The following MYT1L variants were observed in gnomAD, a reference collection of about 807,000 sequenced individuals.
The protein encoded by MYT1L is myelin transcription factor 1-like protein.
In MYT1L, 12 loss-of-function variants were observed where a neutral mutation model predicts 126.7. The ratio of observed to expected loss-of-function variants is 0.09; its 90% CI spans 0.06 to 0.15. The LOEUF is 0.15. MYT1L is among the 10% of genes least tolerant of loss of function. The probability of loss-of-function intolerance (pLI) is 1.00; values close to 1 mark genes in which losing one functional copy is unlikely to be tolerated. For synonymous variants in MYT1L, 541 were observed against 604.2 expected (o/e 0.90, Z 1.53); for missense variants, 979 against 1,585.2 (o/e 0.62, Z 6.49).
intron 2 of MYT1L, among the ~76,000 whole-genome samples, chr2:2,259,396 A>G (rs2094901093): frequency 8.3e-6 from 1 of 121,170 alleles, no homozygotes; most frequent in African/African-American, 4.0e-5. Context: ...GAGTATAATA[A>G]AAAAAAAAAC....
intron 3 of MYT1L, among the ~76,000 whole-genome samples, chr2:2,056,687 G>A (rs1325234722): frequency 6.6e-6 from 1 of 152,204 alleles, no homozygotes; most frequent in Non-Finnish European, 1.5e-5. Context: ...CACAGATGCT[G>A]CTTGTGATCA....
chr2:2,191,012 C>T (rs145019012), intron 2 of MYT1L, among the ~76,000 whole-genome samples: 6,113 of 152,278 alleles, frequency 0.04, 426 homozygotes, highest in African/African-American at 0.14. Context: ...CTCAAACTCC[C>T]AACCTCAGGT....
chr2:1,819,664 A>G (rs2038223516), intron 21 of MYT1L, among the ~76,000 whole-genome samples: 1 of 152,200 alleles, frequency 6.6e-6, no homozygotes, highest in Non-Finnish European at 1.5e-5. Context: ...AGGGATGCAC[A>G]TGGTCCGATG....
intron 4 of MYT1L, among the ~76,000 whole-genome samples, chr2:2,011,137 C>T (rs1306466190): frequency 6.6e-6 from 1 of 152,144 alleles, no homozygotes; most frequent in Admixed American, 6.5e-5. Context: ...GCCTGTCATC[C>T]CAGCACTTTG....
chr2:1,835,219 A>G (rs539182624), intron 21 of MYT1L, among the ~76,000 whole-genome samples: 1 of 152,368 alleles, frequency 6.6e-6, no homozygotes, highest in East Asian at 1.9e-4. Context: ...TAAGTCAAAA[A>G]TTCATTTAAT....
chr2:2,323,223 TA>T (rs1427698485), intron 1 of MYT1L, among the ~76,000 whole-genome samples: 1 of 152,140 alleles, frequency 6.6e-6, no homozygotes, highest in Non-Finnish European at 1.5e-5. Context: ...TATATTTTTT[TA>T]AACAGAAAAT....
At chr2:1,947,539 G>A (rs2057349578) in intron 8 of MYT1L, among the ~76,000 whole-genome samples, 1 of 152,180 alleles carries the variant, frequency 6.6e-6, no homozygotes, top group Admixed American at 6.5e-5. Flanking sequence ...CGAGGCGTGG[G>A]AGGCGGGCTG....
intron 4 of MYT1L, among the ~76,000 whole-genome samples, chr2:2,032,509 G>T (rs2066442142): frequency 1.4e-5 from 2 of 141,370 alleles, no homozygotes; most frequent in Non-Finnish European, 3.1e-5. Flanking sequence ...TCATCCTGTG[G>T]CCCAGAGAAG....
At chr2:2,272,665 C>T (rs111482434) in intron 2 of MYT1L, among the ~76,000 whole-genome samples, 31 of 152,174 alleles carry the variant, frequency 2.0e-4, no homozygotes, top group African/African-American at 7.0e-4. Context: ...TATTCAACTA[C>T]GAATTTCTCC....
At chr2:1,808,927 T>A in intron 22 of MYT1L, 149 bp downstream of exon 22, 1 of 680,104 alleles carries the variant, frequency 1.5e-6, no homozygotes, top group Admixed American at 2.7e-5. Flanking sequence ...TCAAGTTGCT[T>A]CGCTTTATAG....
chr2:2,039,385 A>C (rs939954312), intron 4 of MYT1L, among the ~76,000 whole-genome samples: 1 of 151,618 alleles, frequency 6.6e-6, no homozygotes, highest in Non-Finnish European at 1.5e-5. Context: ...CCAGGGCAAC[A>C]GAATGAGACC....
intron 2 of MYT1L, among the ~76,000 whole-genome samples, chr2:2,198,719 G>A (rs1014538974): frequency 2.6e-5 from 4 of 151,986 alleles, no homozygotes; most frequent in African/African-American, 7.3e-5. Context: ...TTAGCCAGGC[G>A]TTGTGGTGTG....
chr2:2,277,511 C>T (rs1342613720), intron 2 of MYT1L, among the ~76,000 whole-genome samples: 1 of 152,188 alleles, frequency 6.6e-6, no homozygotes, highest in African/African-American at 2.4e-5. Context: ...CAGTCAAAAC[C>T]CACAGTTACA....
At chr2:2,286,417 A>G (rs1382598872) in intron 1 of MYT1L, among the ~76,000 whole-genome samples, 2 of 152,242 alleles carry the variant, frequency 1.3e-5, no homozygotes, top group East Asian at 1.9e-4. Flanking sequence ...TGTGGAGGGC[A>G]TCTTAGATCA....
chr2:2,108,308 C>T (rs983697278), intron 3 of MYT1L, among the ~76,000 whole-genome samples: 1 of 152,148 alleles, frequency 6.6e-6, no homozygotes, highest in African/African-American at 2.4e-5. Flanking sequence ...AACATGGATC[C>T]GATGAGTTCT....
At chr2:2,257,738 A>C (rs2094857202) in intron 2 of MYT1L, among the ~76,000 whole-genome samples, 1 of 147,870 alleles carries the variant, frequency 6.8e-6, no homozygotes, top group Non-Finnish European at 1.5e-5. Flanking sequence ...CAAGGAAATA[A>C]AAGAGGACAC....
At chr2:2,309,196 C>T (rs915948847) in intron 1 of MYT1L, among the ~76,000 whole-genome samples, 1 of 151,864 alleles carries the variant, frequency 6.6e-6, no homozygotes, top group Non-Finnish European at 1.5e-5. Flanking sequence ...CTTAGGTATA[C>T]TCTACCCATA....
chr2:1,901,797 T>C (rs560373478), intron 14 of MYT1L, among the ~76,000 whole-genome samples: 5 of 152,292 alleles, frequency 3.3e-5, no homozygotes, highest in African/African-American at 1.2e-4. Flanking sequence ...GCAGCTGGGA[T>C]TATAGGCATG....
intron 4 of MYT1L, among the ~76,000 whole-genome samples, chr2:2,008,990 C>T (rs1400606049): frequency 1.3e-5 from 2 of 152,032 alleles, no homozygotes; most frequent in African/African-American, 4.8e-5. Context: ...ATTAGTTGCG[C>T]ATATTTGTTT....
Sources: allele counts gnomAD v4.1 joint callset (sites outside exome capture counted in the v4.1 genomes callset), GRCh38; gene constraint gnomAD v4.1.1; transcripts MANE v1.5; gene names NCBI Gene and HGNC (gene_info 2026-07-23, HGNC 2026-07-21).